The following RSRC1 variants were observed in gnomAD, a reference collection of about 807,000 sequenced individuals.
RSRC1 encodes the protein serine/Arginine-related protein 53.
In RSRC1, 39 loss-of-function variants were observed where a neutral mutation model predicts 49.1. That is an observed-to-expected ratio of 0.79 (90% CI 0.61 to 1.04). RSRC1 has a LOEUF of 1.04. Ranked by LOEUF, RSRC1 falls within the 50% of genes least tolerant of loss-of-function variation. The pLI, the probability that RSRC1 is intolerant of heterozygous loss-of-function variation, is 0.00. For synonymous variants in RSRC1, 143 were observed against 130.8 expected (o/e 1.09, Z -0.63); for missense variants, 388 against 402.4 (o/e 0.96, Z 0.31).
intron 4 of RSRC1, among the ~76,000 whole-genome samples, chr3:158,249,694 T>G (rs1403615696): frequency 6.6e-6 from 1 of 152,128 alleles, no homozygotes; most frequent in Non-Finnish European, 1.5e-5. Flanking sequence ...TTTATTTTTT[T>G]GGGGCACGTA....
At chr3:158,305,458 C>T (rs1727786860) in intron 5 of RSRC1, among the ~76,000 whole-genome samples, 1 of 152,102 alleles carries the variant, frequency 6.6e-6, no homozygotes, top group Non-Finnish European at 1.5e-5. Context: ...CTTGAAACTA[C>T]TGCAATAACT....
intron 7 of RSRC1, among the ~76,000 whole-genome samples, chr3:158,535,376 T>G (rs1286807717): frequency 6.6e-6 from 1 of 151,406 alleles, no homozygotes; most frequent in East Asian, 1.9e-4. Flanking sequence ...GATGTACAAA[T>G]ATAAAATAAA....
intron 5 of RSRC1, among the ~76,000 whole-genome samples, chr3:158,343,034 G>A (rs1441214666): frequency 2.6e-5 from 4 of 152,194 alleles, no homozygotes; most frequent in Non-Finnish European, 5.9e-5. Flanking sequence ...GGAGTGAGCT[G>A]CAGGAGATCC....
intron 5 of RSRC1, among the ~76,000 whole-genome samples, chr3:158,351,623 C>G (rs1321536511): frequency 6.6e-6 from 1 of 151,986 alleles, no homozygotes; most frequent in Non-Finnish European, 1.5e-5. Context: ...AATCAAAACT[C>G]TATATGCATT....
intron 6 of RSRC1, among the ~76,000 whole-genome samples, chr3:158,445,305 C>T (rs1442273143): frequency 6.6e-6 from 1 of 152,094 alleles, no homozygotes; most frequent in Non-Finnish European, 1.5e-5. Flanking sequence ...ACATACACCC[C>T]ATGAAATACT....
chr3:158,461,818 G>A lies in RSRC1; in HGVS notation c.652+815G>A, dbSNP rs1487192540. On this transcript the variant is annotated intron_variant, in intron 7 of 9. Coordinates refer to ENST00000611884, the MANE Select transcript of RSRC1 (RefSeq NM_001271838.2). ...TGTGCCAGAATTTGGACTTTTGAGTGCTGTAGTCAAAATCTGAAAGTTGAA... is the reference window on the plus strand; with the variant it reads ...TGTGCCAGAATTTGGACTTTTGAGTACTGTAGTCAAAATCTGAAAGTTGAA... Among the ~76,000 whole-genome samples, 5 of 151,902 alleles carry A rather than the reference G, an allele frequency of 3.3e-5. No individual in the cohort carries two copies. The South Asian group carries it at 8.3e-4, about 25-fold the overall frequency.
Position 158,122,115 on chromosome 3 carries a change from G to A in RSRC1, c.11G>A (p.Arg4Gln), listed in dbSNP as rs749608883. The stretch of plus-strand genomic sequence containing the variant: ...TTTATGCTTATAGAAATGGGACGTC[G>A]GTCATCAGATACTGAAGAAGAAAGC... MGR[R>Q]SSDTEEESRS... is the part of the protein sequence containing the mutation. Residue 4 changes from arginine to glutamine, a missense_variant, in exon 2 of 10, where the codon CGG becomes CAG. Coordinates refer to ENST00000611884, the MANE Select transcript of RSRC1 (RefSeq NM_001271838.2). 72 of 1,505,074 alleles carry A rather than the reference G, an allele frequency of 4.8e-5. No individual in the cohort carries two copies. Among genetic ancestry groups the A allele is most frequent in the Middle Eastern group, 3.5e-4 (2 of 5,636 alleles). The allele number at this position is 1,505,074 out of a possible 1,614,324, so 93.2% of individuals were successfully genotyped here. A position where few individuals can be genotyped will look rare whatever the true frequency, so the allele number is the denominator to read the frequency against.
chr3:158,162,138 A>C (rs1718266069), intron 3 of RSRC1, among the ~76,000 whole-genome samples: 1 of 152,208 alleles, frequency 6.6e-6, no homozygotes, highest in African/African-American at 2.4e-5. Flanking sequence ...GGATCTTATA[A>C]AGAAAATACA....
chr3:158,456,710 C>G (rs1290695913), intron 6 of RSRC1, among the ~76,000 whole-genome samples: 1 of 151,996 alleles, frequency 6.6e-6, no homozygotes, highest in Non-Finnish European at 1.5e-5. Context: ...AATGGGCACC[C>G]CAGCAGTAAC....
intron 4 of RSRC1, among the ~76,000 whole-genome samples, chr3:158,211,451 T>C (rs995249361): frequency 6.6e-6 from 1 of 151,962 alleles, no homozygotes; most frequent in African/African-American, 2.4e-5. Flanking sequence ...AATCTAGCCA[T>C]GAATAACGTA....
At chr3:158,312,902 T>A (rs557352192) in intron 5 of RSRC1, among the ~76,000 whole-genome samples, 1 of 152,180 alleles carries the variant, frequency 6.6e-6, no homozygotes, top group Non-Finnish European at 1.5e-5. Flanking sequence ...TCATGAAGGA[T>A]GAAGTCCAAA....
intron 4 of RSRC1, among the ~76,000 whole-genome samples, chr3:158,242,284 T>C (rs1254701375): frequency 6.6e-6 from 1 of 152,134 alleles, no homozygotes; most frequent in African/African-American, 2.4e-5. Flanking sequence ...CTCCCACTTA[T>C]AAGTGAGAAC....
chr3:158,412,000 T>C (rs1289007344), intron 6 of RSRC1, among the ~76,000 whole-genome samples: 3 of 152,164 alleles, frequency 2.0e-5, no homozygotes, highest in Non-Finnish European at 4.4e-5. Context: ...CTGCTTTCAG[T>C]TGTAAGCCAT....
At chr3:158,348,025 TACAA>T (rs1166891277) in intron 5 of RSRC1, among the ~76,000 whole-genome samples, 4 of 152,232 alleles carry the variant, frequency 2.6e-5, no homozygotes, top group Non-Finnish European at 5.9e-5. Context: ...TCCTCTGTGT[TACAA>T]ACAATTTTAA....
intron 3 of RSRC1, among the ~76,000 whole-genome samples, chr3:158,153,188 A>G (rs1218284611): frequency 1.3e-5 from 2 of 152,146 alleles, no homozygotes; most frequent in East Asian, 3.9e-4. Context: ...GCTACTAACT[A>G]TGTAGCTTAA....
intron 7 of RSRC1, among the ~76,000 whole-genome samples, chr3:158,533,729 C>A (rs1212019927): frequency 6.6e-6 from 1 of 151,594 alleles, no homozygotes; most frequent in Non-Finnish European, 1.5e-5. Flanking sequence ...TGAAATAATT[C>A]TAGTGAAATT....
At chr3:158,316,895 A>C (rs1294491014) in intron 5 of RSRC1, among the ~76,000 whole-genome samples, 1 of 152,220 alleles carries the variant, frequency 6.6e-6, no homozygotes, top group East Asian at 1.9e-4. Flanking sequence ...ACAGAGTTTC[A>C]ATTTACTATG....
At chr3:158,536,940 G>T (rs1022262035) in intron 7 of RSRC1, 152 bp from the exon 8 acceptor site, 3 of 577,344 alleles carry the variant, frequency 5.2e-6, no homozygotes, top group Admixed American at 6.7e-5. Flanking sequence ...TGTTATATTT[G>T]TGGATCTCAG....
chr3:158,229,359 T>TATGTGTATGTATGTATATAAAC (rs1559952684), intron 4 of RSRC1, among the ~76,000 whole-genome samples: 3 of 140,968 alleles, frequency 2.1e-5, no homozygotes, highest in African/African-American at 5.1e-5. Context: ...TATATACACA[T>TATGTGTATGTATGTATATAAAC]ATACACACGT....
Sources: allele counts gnomAD v4.1 joint callset (sites outside exome capture counted in the v4.1 genomes callset), GRCh38; gene constraint gnomAD v4.1.1; transcripts MANE v1.5; gene names NCBI Gene and HGNC (gene_info 2026-07-23, HGNC 2026-07-21).